ZFYVE9: variants seen among roughly 807,000 people sequenced by gnomAD.
The protein encoded by ZFYVE9 is zinc finger FYVE domain-containing protein 9.
ZFYVE9 carries 43 observed loss-of-function variants against 126.7 expected under a neutral mutation model. The ratio of observed to expected loss-of-function variants is 0.34; its 90% CI spans 0.27 to 0.44. ZFYVE9 has a LOEUF of 0.44. ZFYVE9 is among the 20% of genes least tolerant of loss of function. The pLI is 1.00. For missense variants in ZFYVE9, 1,476 were observed against 1,697.0 expected, an observed-to-expected ratio of 0.87 and a Z score of 2.29; for synonymous variants, 521 against 597.4, an observed-to-expected ratio of 0.87 and a Z score of 1.87.
intron 13 of ZFYVE9, among the ~76,000 whole-genome samples, chr1:52,323,685 G>A (rs1162193518): frequency 6.6e-6 from 1 of 152,172 alleles, no homozygotes. Context: ...AGGCCAAGGA[G>A]GGAGGGTCAC....
intron 1 of ZFYVE9, among the ~76,000 whole-genome samples, chr1:52,198,734 C>T (rs138838779): frequency 1.4e-4 from 21 of 152,088 alleles, no homozygotes; most frequent in African/African-American, 4.8e-4. Flanking sequence ...TTTTAGTAGA[C>T]TTTGTTTTTT....
At chr1:52,149,708 T>C (rs573180709) in intron 1 of ZFYVE9, among the ~76,000 whole-genome samples, 3 of 152,248 alleles carry the variant, frequency 2.0e-5, no homozygotes, top group African/African-American at 7.2e-5. Flanking sequence ...TTGGCCAGGC[T>C]GGTCTTGAAC....
At position 52,237,932 on chromosome 1, in the gene ZFYVE9, A is replaced by G. The variant is rs757189596; in HGVS notation, c.515A>G (p.Tyr172Cys). Residue 172 changes from tyrosine (Y) to cysteine (C), a missense_variant, in exon 4 of 19, where the codon TAT becomes TGT. This residue lies in a region of ZFYVE9 where 807 missense variants were observed against 794.6 expected (regional missense o/e 1.02). Coordinates refer to ENST00000287727, the MANE Select transcript of ZFYVE9 (RefSeq NM_004799.4). ...LQNDLQDCNN[Y>C]NSQSLMDAFS... ...AACGATTTACAGGATTGTAATAATT[A>G]TAATAGTCAATCCCTTATGGATGCT... The G allele has an allele frequency of 6.2e-7, 1 of 1,614,086 alleles. No individual in the cohort carries two copies. The highest frequency in any genetic ancestry group is 1.1e-5 in the South Asian group (1 of 91,080).
chr1:52,274,704 C>T, intron 8 of ZFYVE9, 120 bp downstream of exon 8: 1 of 1,074,244 alleles, frequency 9.3e-7, no homozygotes, highest in Non-Finnish European at 1.2e-6. Context: ...AAAACAAACT[C>T]CCCCAAAACT....
At chr1:52,297,070 T>G (rs139429658) in intron 12 of ZFYVE9, among the ~76,000 whole-genome samples, 19 of 152,154 alleles carry the variant, frequency 1.2e-4, no homozygotes, top group Middle Eastern at 3.4e-3. Flanking sequence ...CCTCCCAAAG[T>G]GCTGGTATTA....
rs1645351637 is a variant in ZFYVE9 at position 52,243,154 on chromosome 1, C to T, written c.2178+3559C>T. On this transcript the variant is annotated intron_variant, in intron 4 of 18. Transcript: ENST00000287727. ...AGATCATTGATTAATTCAACAAACA[C>T]TGAGTGCCTGTTATTTGTCTGTCAC... Among the ~76,000 whole-genome samples, 5 of 152,160 alleles carry T rather than the reference C, an allele frequency of 3.3e-5. No individual in the cohort carries two copies. In the South Asian group the frequency reaches 1.0e-3, roughly 32 times the overall value.
intron 6 of ZFYVE9, among the ~76,000 whole-genome samples, chr1:52,267,181 A>C (rs1047587345): frequency 1.3e-5 from 2 of 152,154 alleles, no homozygotes; most frequent in African/African-American, 4.8e-5. Flanking sequence ...TCTTTGTAGG[A>C]GTTTAGTAAG....
intron 10 of ZFYVE9, among the ~76,000 whole-genome samples, chr1:52,289,794 A>C (rs776917884): frequency 2.2e-4 from 34 of 152,344 alleles, no homozygotes; most frequent in Non-Finnish European, 4.1e-4. Context: ...AAAGTGATTA[A>C]TATTTAAAGG....
chr1:52,293,825 A>G (rs2147830964), intron 11 of ZFYVE9, 148 bp downstream of exon 11: 1 of 706,636 alleles, frequency 1.4e-6, no homozygotes, highest in South Asian at 1.9e-5. Flanking sequence ...TGTATTGGGC[A>G]TAATGGGAAG....
intron 4 of ZFYVE9, chr1:52,254,073 C>T: frequency 1.3e-6 from 1 of 770,338 alleles, no homozygotes; most frequent in Non-Finnish European, 2.2e-6. Context: ...GAAAAGACAC[C>T]CACCCATATG....
chr1:52,191,386 T>C (rs182453961), intron 1 of ZFYVE9, among the ~76,000 whole-genome samples: 18 of 152,372 alleles, frequency 1.2e-4, no homozygotes, highest in Admixed American at 1.2e-3. Context: ...TTTCATTCTG[T>C]CATTCTTTCA....
chr1:52,300,116 G>GT (rs1442290900), intron 12 of ZFYVE9, among the ~76,000 whole-genome samples: 6 of 152,138 alleles, frequency 3.9e-5, no homozygotes, highest in Non-Finnish European at 7.4e-5. Flanking sequence ...GGCATCTGGT[G>GT]CTCCACAGGA....
intron 1 of ZFYVE9, among the ~76,000 whole-genome samples, chr1:52,178,002 G>A (rs1307849296): frequency 2.7e-5 from 4 of 150,492 alleles, no homozygotes; most frequent in Admixed American, 6.6e-5. Flanking sequence ...ATAATAGGCC[G>A]GGCACAGTGG....
At chr1:52,157,189 C>T (rs1244641395) in intron 1 of ZFYVE9, among the ~76,000 whole-genome samples, 1 of 151,872 alleles carries the variant, frequency 6.6e-6, no homozygotes, top group African/African-American at 2.4e-5. Context: ...TCGGGATGGA[C>T]TTGGGAATAA....
At chr1:52,270,977 C>T (rs1569637710) in intron 7 of ZFYVE9, among the ~76,000 whole-genome samples, 2 of 152,178 alleles carry the variant, frequency 1.3e-5, no homozygotes, top group South Asian at 4.2e-4. Flanking sequence ...ATTGCCTGAA[C>T]CCCGAGTTTG....
rs1361244648 is a variant in ZFYVE9 at position 52,238,460 on chromosome 1, G to T, written c.1043G>T (p.Gly348Val). 3 of 1,613,934 alleles carry T rather than the reference G, an allele frequency of 1.9e-6. No homozygotes were observed. Among genetic ancestry groups the T allele is most frequent in the African/African-American group, 1.3e-5 (1 of 74,898 alleles). ...CTTCTCAAACCAGACATGCCTAATG[G>T]GTCTGGAAGGAATAATGACTGTGAA... Reference protein sequence around the residue: ...PLLLKPDMPNGSGRNNDCERC... With the variant: ...PLLLKPDMPNVSGRNNDCERC... The change falls in exon 4 of 19, where the codon GGG (glycine) becomes GTG (valine). Residue 348 changes from glycine (G) to valine (V), a missense_variant. Around this residue, in one of 2 missense-constraint regions of ZFYVE9, gnomAD observed 807 missense variants for 794.6 expected, o/e 1.02. Coordinates refer to ENST00000287727, the MANE Select transcript of ZFYVE9 (RefSeq NM_004799.4).
intron 1 of ZFYVE9, among the ~76,000 whole-genome samples, chr1:52,145,664 G>A (rs1458895311): frequency 6.6e-6 from 1 of 152,088 alleles, no homozygotes; most frequent in Non-Finnish European, 1.5e-5. Context: ...TTGTCATGTA[G>A]GAGGTGCTCA....
chr1:52,331,776 TTTTTTTTTTTTA>T (rs1646343623), intron 13 of ZFYVE9, among the ~76,000 whole-genome samples: 1 of 149,942 alleles, frequency 6.7e-6, no homozygotes, highest in Non-Finnish European at 1.5e-5. Context: ...TCAAACTCTT[TTTTTTTTTTTTA>T]TTTTTTTTTG....
chr1:52,201,663 G>C lies in ZFYVE9; in HGVS notation c.-142-14706G>C, dbSNP rs546762387. 3.5e-3 allele frequency among the ~76,000 whole-genome samples: 528 copies of C among 152,044 alleles called. 2 individuals carry two copies. Among genetic ancestry groups the C allele is most frequent in the African/African-American group, 0.012 (500 of 41,452 alleles). On this transcript the variant is annotated intron_variant, in intron 1 of 18. Coordinates refer to ENST00000287727, the MANE Select transcript of ZFYVE9 (RefSeq NM_004799.4). ...CAAAGTGCTAGAATTACAGGCATGA[G>C]CCACTGTGCCTGGCCCAGGTCTTAT...
Sources: allele counts gnomAD v4.1 joint callset (sites outside exome capture counted in the v4.1 genomes callset), GRCh38; gene constraint gnomAD v4.1.1; regional missense constraint gnomAD v4.1.1; transcripts MANE v1.5; gene names NCBI Gene and HGNC (gene_info 2026-07-23, HGNC 2026-07-21).